AGTPBP1: variants seen among roughly 807,000 people sequenced by gnomAD.
AGTPBP1 encodes the protein cytosolic carboxypeptidase 1.
AGTPBP1 carries 70 observed loss-of-function variants against 143.9 expected under a neutral mutation model. That is an observed-to-expected ratio of 0.49 (90% CI 0.40 to 0.59). The LOEUF is 0.59. AGTPBP1 is among the 20% of genes least tolerant of loss of function. The probability of loss-of-function intolerance (pLI) is 0.00; values close to 1 mark genes in which losing one functional copy is unlikely to be tolerated. For missense variants in AGTPBP1, 1,229 were observed against 1,464.5 expected (o/e 0.84, Z 2.62); for synonymous variants, 463 against 500.2 (o/e 0.93, Z 0.99).
intron 3 of AGTPBP1, among the ~76,000 whole-genome samples, chr9:85,687,605 T>TA (rs570666483): frequency 2.0e-4 from 30 of 146,664 alleles, no homozygotes; most frequent in South Asian, 1.1e-3. Flanking sequence ...AACACACTTC[T>TA]AAAAAAAAAA....
intron 25 of AGTPBP1, among the ~76,000 whole-genome samples, chr9:85,565,888 C>T (rs1827053843): frequency 6.6e-6 from 1 of 152,166 alleles, no homozygotes; most frequent in Non-Finnish European, 1.5e-5. Flanking sequence ...AATGCATATA[C>T]TTCTTTCAGG....
chr9:85,717,379 G>A (rs11141073), intron 1 of AGTPBP1, among the ~76,000 whole-genome samples: 13,115 of 152,114 alleles, frequency 0.086, 1,245 homozygotes, highest in East Asian at 0.55. Context: ...GCATACACCC[G>A]TAGTCCCAGC....
At chr9:85,653,295 A>T (rs1833285988) in intron 11 of AGTPBP1, among the ~76,000 whole-genome samples, 1 of 152,130 alleles carries the variant, frequency 6.6e-6, no homozygotes, top group Non-Finnish European at 1.5e-5. Context: ...GTATCTATAC[A>T]CTTGCTATTA....
At chr9:85,547,374 G>T (rs1825792845) in intron 25 of AGTPBP1, 88 bp from the exon 26 acceptor site, 1 of 1,124,362 alleles carries the variant, frequency 8.9e-7, no homozygotes, top group Non-Finnish European at 1.2e-6. Flanking sequence ...GACTAACTTT[G>T]ATTCCAATAT....
At chr9:85,653,272 G>A (rs1387570384) in intron 11 of AGTPBP1, among the ~76,000 whole-genome samples, 1 of 151,852 alleles carries the variant, frequency 6.6e-6, no homozygotes, top group African/African-American at 2.4e-5. Context: ...AACAGAATGA[G>A]AGTATTTTCC....
At chr9:85,606,080 A>C (rs1301764816) in intron 17 of AGTPBP1, among the ~76,000 whole-genome samples, 1 of 152,016 alleles carries the variant, frequency 6.6e-6, no homozygotes, top group Non-Finnish European at 1.5e-5. Context: ...CAAACTCTCC[A>C]ATAAAAGGAA....
chr9:85,648,735 C>G (rs1832970025), intron 11 of AGTPBP1, among the ~76,000 whole-genome samples: 1 of 152,056 alleles, frequency 6.6e-6, no homozygotes. Context: ...TGGCGTGAAC[C>G]CGGGAGGTGG....
chr9:85,677,309 A>C (rs1401312296), intron 6 of AGTPBP1, 127 bp downstream of exon 6: 7 of 843,870 alleles, frequency 8.3e-6, no homozygotes, highest in Non-Finnish European at 1.8e-6. Flanking sequence ...AAACATGTAC[A>C]ATTATTGTGT....
In AGTPBP1 at chr9:85,623,804, T is replaced by C. The variant is rs1446337000; in HGVS notation, c.2016-2519A>G. Among the ~76,000 whole-genome samples the C allele has an allele frequency of 3.3e-5, 5 of 151,812 alleles. No individual in the cohort carries two copies. The East Asian group carries it at 7.7e-4, about 23-fold the overall frequency. On this transcript the variant is annotated intron_variant, in intron 14 of 25. Coordinates refer to ENST00000357081, the MANE Select transcript of AGTPBP1 (RefSeq NM_001330701.2). ...AACAGTCTTTTATTCAGACATGTATTTGTGTTAAGCAGATCAACTTTTATA... is the reference window on the plus strand; with the variant it reads ...AACAGTCTTTTATTCAGACATGTATCTGTGTTAAGCAGATCAACTTTTATA...
chr9:85,550,795 A>G (rs985166484), intron 25 of AGTPBP1, among the ~76,000 whole-genome samples: 6 of 152,174 alleles, frequency 3.9e-5, no homozygotes, highest in Non-Finnish European at 7.4e-5. Flanking sequence ...GCTACAAGCA[A>G]GTCCTGCCAC....
chr9:85,606,201 T>C (rs1004001328), intron 17 of AGTPBP1, among the ~76,000 whole-genome samples: 3 of 151,658 alleles, frequency 2.0e-5, no homozygotes, highest in Admixed American at 6.6e-5. Flanking sequence ...AACAACTCAA[T>C]AGTAAAAAAT....
chr9:85,767,347 A>C, the AGTPBP1 span, among the ~76,000 whole-genome samples: 1 of 132,562 alleles, frequency 7.5e-6, no homozygotes, highest in Non-Finnish European at 1.6e-5. Flanking sequence ...ATGCCCAGCT[A>C]ATTTTTTTTT....
chr9:85,675,749 G>A (rs1344324448), intron 6 of AGTPBP1, among the ~76,000 whole-genome samples: 1 of 152,162 alleles, frequency 6.6e-6, no homozygotes, highest in Non-Finnish European at 1.5e-5. Context: ...ATTTCGGCTG[G>A]GTGCGGTGGC....
intron 8 of AGTPBP1, among the ~76,000 whole-genome samples, chr9:85,661,738 T>A (rs775737167): frequency 1.1e-4 from 16 of 152,146 alleles, no homozygotes; most frequent in Non-Finnish European, 2.2e-4. Flanking sequence ...GTAATTCAAA[T>A]CGTTTATTTT....
intron 18 of AGTPBP1, 107 bp downstream of exon 18, chr9:85,596,255 C>T: frequency 1.4e-6 from 1 of 725,416 alleles, no homozygotes; most frequent in Non-Finnish European, 2.2e-6. Flanking sequence ...CACCACAATT[C>T]AAAGTATGCA....
chr9:85,637,824 C>T (rs1832172501), intron 13 of AGTPBP1, among the ~76,000 whole-genome samples: 1 of 152,116 alleles, frequency 6.6e-6, no homozygotes, highest in Non-Finnish European at 1.5e-5. Flanking sequence ...TTAAAAGTAA[C>T]CAGAGAAAGA....
intron 12 of AGTPBP1, among the ~76,000 whole-genome samples, chr9:85,645,457 T>C (rs991791240): frequency 3.9e-5 from 6 of 152,146 alleles, no homozygotes; most frequent in African/African-American, 7.2e-5. Flanking sequence ...ATTGGCTAAC[T>C]TGACAGTTTC....
At chr9:85,656,850 G>C (rs1833540791) in intron 10 of AGTPBP1, among the ~76,000 whole-genome samples, 1 of 152,110 alleles carries the variant, frequency 6.6e-6, no homozygotes, top group Non-Finnish European at 1.5e-5. Context: ...AGGCTGTAAA[G>C]GATCCACAGA....
At chr9:85,733,663 A>C (rs1269619313) in intron 1 of AGTPBP1, among the ~76,000 whole-genome samples, 2 of 152,212 alleles carry the variant, frequency 1.3e-5, no homozygotes, top group African/African-American at 4.8e-5. Flanking sequence ...AGAAATCAAC[A>C]AAACCAAAAG....
Sources: allele counts gnomAD v4.1 joint callset (sites outside exome capture counted in the v4.1 genomes callset), GRCh38; gene constraint gnomAD v4.1.1; transcripts MANE v1.5; gene names NCBI Gene and HGNC (gene_info 2026-07-23, HGNC 2026-07-21).